Variants in CNTRL observed in about 807,000 individuals in gnomAD.
CNTRL encodes the protein 110 kDa centrosomal protein.
In CNTRL, 233 loss-of-function variants were observed where a neutral mutation model predicts 303.7. That is an observed-to-expected ratio of 0.77 (90% CI 0.69 to 0.86). The LOEUF (loss-of-function observed/expected upper bound fraction) is 0.86, where lower values mean the gene tolerates loss of function less well. Ranked by LOEUF, CNTRL falls within the 40% of genes least tolerant of loss-of-function variation. The pLI is 0.00. For synonymous variants in CNTRL, 900 were observed against 922.2 expected, an observed-to-expected ratio of 0.98 and a Z score of 0.44; for missense variants, 2,524 against 2,650.6, an observed-to-expected ratio of 0.95 and a Z score of 1.05.
chr9:121,084,278 A>G (rs533711303), intron 2 of CNTRL, among the ~76,000 whole-genome samples: 10 of 152,314 alleles, frequency 6.6e-5, no homozygotes, highest in Non-Finnish European at 1.5e-4. Context: ...TATAAGAACA[A>G]CTGTGTATCA....
chr9:121,152,586 A>C lies in CNTRL; in HGVS notation c.4065A>C (p.Glu1355Asp), dbSNP rs1296961969. 1 of 1,614,010 alleles carries C rather than the reference A, an allele frequency of 6.2e-7. No homozygotes were observed. The highest frequency in any genetic ancestry group is 8.5e-7 in the Non-Finnish European group (1 of 1,179,972). Reference protein sequence around the residue: ...MRASKRQSEKEMEELHHNIDD... With the variant: ...MRASKRQSEKDMEELHHNIDD... ...CATCCAAGCGGCAGTCGGAGAAAGA[A>C]ATGGAAGAACTGCATCATAATATTG... Residue 1355 changes from glutamate to aspartate, a missense_variant, in exon 26 of 44, where the codon GAA (glutamate) becomes GAC (aspartate). Glu to Asp is a conservative substitution (Grantham distance 45). Coordinates refer to ENST00000373855, the MANE Select transcript of CNTRL (RefSeq NM_007018.6).
At chr9:121,078,816 A>G (rs2048029938) in intron 1 of CNTRL, among the ~76,000 whole-genome samples, 2 of 152,256 alleles carry the variant, frequency 1.3e-5, no homozygotes, top group South Asian at 4.1e-4. Flanking sequence ...CAAAGGATAT[A>G]GGTGAAAAGA....
At position 121,169,645 on chromosome 9, in the gene CNTRL, G is replaced by A. The variant is rs1202794554; in HGVS notation, c.6105G>A (p.Val2035=). ...RQLSEREQQL[V]EKSGELLALQ... ...TTTCAGAAAGGGAGCAGCAATTGGT[G>A]GAGAAATCAGGTGAGCTGTTGGCCC... Residue 2035 remains valine (V), a synonymous_variant, in exon 39 of 44, where the codon GTG becomes GTA. Coordinates refer to ENST00000373855, the MANE Select transcript of CNTRL (RefSeq NM_007018.6). The A allele has an allele frequency of 1.2e-6, 2 of 1,614,184 alleles. No individual in the cohort carries two copies. Among genetic ancestry groups the A allele is most frequent in the African/African-American group, 1.3e-5 (1 of 75,032 alleles).
At chr9:121,105,592 G>A (rs894645103) in intron 7 of CNTRL, among the ~76,000 whole-genome samples, 2 of 152,170 alleles carry the variant, frequency 1.3e-5, no homozygotes, top group Non-Finnish European at 2.9e-5. Flanking sequence ...GTTGGGAGAC[G>A]AAAGAAAAGC....
At chr9:121,155,789 A>T (rs2052537964) in intron 27 of CNTRL, among the ~76,000 whole-genome samples, 1 of 152,214 alleles carries the variant, frequency 6.6e-6, no homozygotes. Flanking sequence ...GATGTAGCTC[A>T]GAGAGGCTCA....
chr9:121,119,158 C>T lies in CNTRL; in HGVS notation c.1650+618C>T, dbSNP rs2050113545. 2.0e-5 allele frequency among the ~76,000 whole-genome samples: 3 copies of T among 151,340 alleles called. No individual in the cohort carries two copies. The South Asian group carries it at 6.2e-4, about 32-fold the overall frequency. ...ATGTCTAAAACAAAACAACCTAGGG[C>T]TTGAAGAAGGTAGCTTTCAGTAAAT... On this transcript the variant is annotated intron_variant, in intron 12 of 43. Transcript: ENST00000373855.
At chr9:121,094,792 G>A in intron 4 of CNTRL, 96 bp from the exon 5 acceptor site, 2 of 906,420 alleles carry the variant, frequency 2.2e-6, no homozygotes, top group Non-Finnish European at 3.3e-6. Flanking sequence ...ATTTTCTGAT[G>A]ACTGATCAAA....
chr9:121,090,764 A>T (rs746453648), intron 4 of CNTRL, among the ~76,000 whole-genome samples: 3 of 152,182 alleles, frequency 2.0e-5, no homozygotes, highest in Non-Finnish European at 2.9e-5. Context: ...GTTGCCACAG[A>T]CTATATGGCC....
intron 4 of CNTRL, among the ~76,000 whole-genome samples, chr9:121,094,417 G>T (rs188017012): frequency 6.6e-6 from 1 of 152,124 alleles, no homozygotes; most frequent in Admixed American, 6.5e-5. Context: ...CCACTCCCAA[G>T]ATAATGGCAT....
Position 121,118,518 on chromosome 9 carries a change from T to A in CNTRL, c.1628T>A (p.Leu543Gln). 1 of 1,600,528 alleles carries A rather than the reference T, an allele frequency of 6.2e-7. No individual in the cohort carries two copies. The highest frequency in any genetic ancestry group is 8.5e-7 in the Non-Finnish European group (1 of 1,173,398). Residue 543 changes from leucine (L) to glutamine (Q), a missense_variant, in exon 12 of 44, where the codon CTG (leucine) becomes CAG (glutamine). Leu to Gln is a moderately radical substitution (Grantham distance 113). Coordinates refer to ENST00000373855, the MANE Select transcript of CNTRL (RefSeq NM_007018.6). ...IKDLQIAIDS[L>Q]DSKDPKHSHM... Reference sequence around the variant, plus strand: ...GACCTGCAAATAGCCATAGATAGCCTGGATTCCAAAGACCCAAAACATGTG... The same window carrying A: ...GACCTGCAAATAGCCATAGATAGCCAGGATTCCAAAGACCCAAAACATGTG...
intron 2 of CNTRL, among the ~76,000 whole-genome samples, chr9:121,083,041 AG>A (rs1444317252): frequency 1.3e-5 from 2 of 152,046 alleles, no homozygotes; most frequent in Non-Finnish European, 2.9e-5. Context: ...ATACCTGTAT[AG>A]AGCACTTACC....
Position 121,092,541 on chromosome 9 carries a change from AT to A in CNTRL, c.348+2138del, listed in dbSNP as rs1179637265. ...ATATATATAATATATATCTATATAT[AT>A]TATATATATCTATATATATAATATA... is the stretch of plus-strand genomic sequence containing the variant. On this transcript the variant is annotated intron_variant, in intron 4 of 43. Coordinates refer to ENST00000373855, the MANE Select transcript of CNTRL (RefSeq NM_007018.6). Among the ~76,000 whole-genome samples the A allele has an allele frequency of 8.0e-4, 18 of 22,378 alleles. 6 individuals are homozygous for A. The highest frequency in any genetic ancestry group is 3.6e-3 in the African/African-American group (16 of 4,416). 14.7% of individuals were successfully genotyped at this position (22,378 alleles called of 152,430 possible).
intron 4 of CNTRL, among the ~76,000 whole-genome samples, chr9:121,093,029 G>A (rs927643837): frequency 2.7e-5 from 4 of 150,466 alleles, no homozygotes; most frequent in Non-Finnish European, 4.4e-5. Flanking sequence ...GGATGGTCTC[G>A]ATCTCCTGAC....
intron 40 of CNTRL, among the ~76,000 whole-genome samples, chr9:121,172,387 T>A (rs1262424559): frequency 8.4e-6 from 1 of 119,056 alleles, no homozygotes; most frequent in Admixed American, 9.4e-5. Flanking sequence ...ATTCCTGTAA[T>A]CCCAGCACTT....
At position 121,118,421 on chromosome 9, in the gene CNTRL, G is replaced by A; in HGVS notation, c.1531G>A (p.Glu511Lys). 1.9e-6 allele frequency: 3 copies of A among 1,612,492 alleles called. No individual in the cohort carries two copies. Among genetic ancestry groups the A allele is most frequent in the Non-Finnish European group, 2.5e-6 (3 of 1,179,004 alleles). The change falls in exon 12 of 44, where the codon GAA becomes AAA. Residue 511 changes from glutamate to lysine, a missense_variant. Transcript: ENST00000373855. ...ACAACTTGTAAATAAATTACGCCAG[G>A]AAGCTCTGGATCTAGAACTGCAGAT... is the stretch of plus-strand genomic sequence containing the variant. ...RLQLVNKLRQ[E>K]ALDLELQMEK...
At chr9:121,170,600 C>T (rs1301281246) in intron 39 of CNTRL, among the ~76,000 whole-genome samples, 6 of 152,218 alleles carry the variant, frequency 3.9e-5, no homozygotes, top group South Asian at 4.1e-4. Context: ...GAATTACAGG[C>T]GTGTGCCACC....
chr9:121,094,142 A>G (rs1317066434), intron 4 of CNTRL, among the ~76,000 whole-genome samples: 1 of 150,800 alleles, frequency 6.6e-6, no homozygotes, highest in African/African-American at 2.4e-5. Context: ...AAAAAGAAAA[A>G]GAAGAAAGCT....
intron 7 of CNTRL, among the ~76,000 whole-genome samples, chr9:121,102,137 T>C (rs1034908120): frequency 6.6e-6 from 1 of 152,172 alleles, no homozygotes; most frequent in East Asian, 1.9e-4. Flanking sequence ...TGAACATCGA[T>C]GTGAAAATTC....
At chr9:121,164,523 CGTT>C (rs2053006477) in intron 34 of CNTRL, among the ~76,000 whole-genome samples, 1 of 152,144 alleles carries the variant, frequency 6.6e-6, no homozygotes, top group South Asian at 2.1e-4. Context: ...AAAGTAACTA[CGTT>C]GAGTGAAAGA....
Sources: allele counts gnomAD v4.1 joint callset (sites outside exome capture counted in the v4.1 genomes callset), GRCh38; gene constraint gnomAD v4.1.1; transcripts MANE v1.5; gene names NCBI Gene and HGNC (gene_info 2026-07-23, HGNC 2026-07-21).